Variants in COL8A2 observed in about 807,000 individuals in gnomAD.
COL8A2 encodes the protein collagen alpha-2(VIII) chain.
In COL8A2, 16 loss-of-function variants were observed where a neutral mutation model predicts 24.0. The observed-to-expected ratio is 0.67, with a 90% CI of 0.45 to 1.01. COL8A2 has a LOEUF of 1.01. Among genes scored for constraint, COL8A2 ranks in the 50% least tolerant of loss-of-function variants. The pLI is 0.00. For synonymous variants in COL8A2, 466 were observed against 424.5 expected (o/e 1.10, Z -1.20); for missense variants, 818 against 942.4 (o/e 0.87, Z 1.73).
Position 36,115,375 on chromosome 1 carries a change from G to T in COL8A2, c.-17+333C>A, listed in dbSNP as rs910918361. Among the ~76,000 whole-genome samples, 52 of 152,326 alleles carry T rather than the reference G, an allele frequency of 3.4e-4. No individual in the cohort carries two copies. Among genetic ancestry groups the T allele is most frequent in the African/African-American group, 1.3e-3 (52 of 41,572 alleles). ...GCTACCCTGCGTGGTGGCGGCAGCAGCGGCAGCAGGAGGGGCTGGGCTGGG... is the reference window on the plus strand; with the variant it reads ...GCTACCCTGCGTGGTGGCGGCAGCATCGGCAGCAGGAGGGGCTGGGCTGGG... On this transcript the variant is annotated intron_variant, in intron 2 of 3. Transcript: ENST00000397799. This position sits in a 1 kb window ranked among gnomAD's most constrained non-coding sequence, Gnocchi z 5.7.
At chr1:36,112,036 C>A (rs1208247405) in intron 2 of COL8A2, among the ~76,000 whole-genome samples, 2 of 152,184 alleles carry the variant, frequency 1.3e-5, no homozygotes, top group African/African-American at 4.8e-5. Context: ...CGGAGTCTCG[C>A]TCTGTTGCCC....
intron 2 of COL8A2, among the ~76,000 whole-genome samples, chr1:36,110,423 A>G (rs1387081232): frequency 2.0e-5 from 3 of 152,152 alleles, no homozygotes; most frequent in African/African-American, 7.2e-5. Context: ...CCATCTCTTC[A>G]AAAGCTCAGG....
chr1:36,098,020 G>A lies in COL8A2; in HGVS notation c.1661C>T (p.Ala554Val), dbSNP rs756806537. ...LHLPNGGVEG[A>V]VLGKGGKPQF... ...TGGCTTGCCCCCCTTGCCCAGCACG[G>A]CACCCTCCACACCGCCGTTGGGCAG... The change falls in exon 4 of 4, where the codon GCC becomes GTC. Residue 554 changes from alanine to valine, a missense_variant. This residue lies in a region of COL8A2 where 235 missense variants were observed against 297.3 expected (regional missense o/e 0.79). Coordinates refer to ENST00000397799, the MANE Select transcript of COL8A2 (RefSeq NM_005202.4). The A allele has an allele frequency of 6.9e-6, 11 of 1,594,676 alleles. No homozygotes were observed. Among genetic ancestry groups the A allele is most frequent in the East Asian group, 2.2e-5 (1 of 44,464 alleles).
chr1:36,119,786 C>A (rs1006105104), intron 1 of COL8A2, among the ~76,000 whole-genome samples: 2 of 152,122 alleles, frequency 1.3e-5, no homozygotes, highest in African/African-American at 4.8e-5. Context: ...GAGTTGGCCA[C>A]CTGGGATCTT....
chr1:36,121,757 G>C (rs72661677), intron 1 of COL8A2, among the ~76,000 whole-genome samples: 1 of 151,970 alleles, frequency 6.6e-6, no homozygotes, highest in African/African-American at 2.4e-5. Flanking sequence ...ACCCAGTAAG[G>C]TTCCCTCTGC....
chr1:36,116,967 G>A (rs1339386882), intron 1 of COL8A2, among the ~76,000 whole-genome samples: 2 of 152,188 alleles, frequency 1.3e-5, no homozygotes, highest in African/African-American at 4.8e-5. Context: ...ATAGCTGTAC[G>A]CAGAGGATCC....
At chr1:36,120,496 C>T (rs1328889939) in intron 1 of COL8A2, among the ~76,000 whole-genome samples, 3 of 151,616 alleles carry the variant, frequency 2.0e-5, no homozygotes, top group Non-Finnish European at 4.4e-5. Flanking sequence ...ACGCCTGTAA[C>T]CCCAGCACTT....
chr1:36,106,961 T>G (rs1643770660), intron 2 of COL8A2, among the ~76,000 whole-genome samples: 1 of 152,178 alleles, frequency 6.6e-6, no homozygotes, highest in Non-Finnish European at 1.5e-5. Flanking sequence ...GAGGAGGGTC[T>G]GAGTGAGGAC....
rs1488982379 is a variant in COL8A2 at position 36,097,262 on chromosome 1, T to TC, written c.*306dup. On this transcript the variant is annotated 3_prime_UTR_variant, in exon 4 of 4. Transcript: ENST00000397799. The stretch of plus-strand genomic sequence containing the variant: ...CACGTGGCGGGGTGGGGAGTTGAGC[T>TC]CCCTCTCAGCTCCTTCAGGGCCCAG... 3 of 275,872 alleles carry TC rather than the reference T, an allele frequency of 1.1e-5. No individual in the cohort carries two copies. Among genetic ancestry groups the TC allele is most frequent in the African/African-American group, 2.2e-5 (1 of 46,350 alleles). 17.1% of individuals were successfully genotyped at this position (275,872 alleles called of 1,614,324 possible).
At chr1:36,116,253 C>T (rs1412463313) in intron 1 of COL8A2, among the ~76,000 whole-genome samples, 1 of 152,146 alleles carries the variant, frequency 6.6e-6, no homozygotes, top group Non-Finnish European at 1.5e-5. Flanking sequence ...GCCCCATACT[C>T]CACAACTCCA....
intron 2 of COL8A2, among the ~76,000 whole-genome samples, chr1:36,103,325 T>G (rs1239270601): frequency 6.6e-6 from 1 of 152,154 alleles, no homozygotes; most frequent in African/African-American, 2.4e-5. Context: ...CAGGCTGGAA[T>G]GCAGTGGTGT....
intron 2 of COL8A2, among the ~76,000 whole-genome samples, chr1:36,101,788 A>C (rs893828673): frequency 1.3e-5 from 2 of 152,230 alleles, no homozygotes; most frequent in African/African-American, 4.8e-5. Flanking sequence ...GTATACCTGT[A>C]GTCCCAGCTA....
At position 36,098,003 on chromosome 1, in the gene COL8A2, C is replaced by T; in HGVS notation, c.1678G>A (p.Gly560Ser). Residue 560 changes from glycine to serine, a missense_variant, in exon 4 of 4, where the codon GGC (glycine) becomes AGC (serine). By Grantham distance (56) the Gly-to-Ser change is moderately conservative. Transcript: ENST00000397799. ...GVEGAVLGKGGKPQFGLGELS... is the reference protein window; with the variant it reads ...GVEGAVLGKGSKPQFGLGELS... Reference sequence around the variant, plus strand: ...TCGCCCAGCCCAAACTGTGGCTTGCCCCCCTTGCCCAGCACGGCACCCTCC... The same window carrying T: ...TCGCCCAGCCCAAACTGTGGCTTGCTCCCCTTGCCCAGCACGGCACCCTCC... 2 of 1,599,662 alleles carry T rather than the reference C, an allele frequency of 1.3e-6. No homozygotes were observed. Among genetic ancestry groups the T allele is most frequent in the South Asian group, 1.1e-5 (1 of 90,510 alleles).
rs375533913 is a variant in COL8A2, at chr1:36,097,791, G to C, written c.1890C>G (p.Gly630=). The stretch of plus-strand genomic sequence containing the variant: ...TGTACAGGGCCACCCACACGTTGGT[G>C]CCCTTGACGTGCACATGGTAAGCAA... ...YYFAYHVHVK[G]TNVWVALYKN... The change falls in exon 4 of 4, where the codon GGC becomes GGG. Residue 630 remains glycine (G), a synonymous_variant. Coordinates refer to ENST00000397799, the MANE Select transcript of COL8A2 (RefSeq NM_005202.4). 3.1e-5 allele frequency: 50 copies of C among 1,613,818 alleles called. No homozygotes were observed. In the African/African-American group the frequency reaches 6.1e-4, roughly 20 times the overall value.
At position 36,099,105 on chromosome 1, in the gene COL8A2, G is replaced by A. The variant is rs1290618426; in HGVS notation, c.576C>T (p.Pro192=). The part of the protein sequence containing the change: ...GPPGFQGEPG[P]QGEPGPPGDR... Reference sequence around the variant, plus strand: ...CACCTGGGGGCCCAGGCTCCCCCTGGGGCCCTGGTTCCCCCTGGAATCCTG... The same window carrying A: ...CACCTGGGGGCCCAGGCTCCCCCTGAGGCCCTGGTTCCCCCTGGAATCCTG... Residue 192 remains proline (P), a synonymous_variant, in exon 4 of 4, where the codon CCC becomes CCT. Transcript: ENST00000397799. 8 of 1,509,578 alleles carry A rather than the reference G, an allele frequency of 5.3e-6. No homozygotes were observed. The South Asian group carries it at 8.0e-5, about 15-fold the overall frequency. The allele number at this position is 1,509,578 out of a possible 1,614,324, so 93.5% of individuals were successfully genotyped here.
At chr1:36,109,952 C>T (rs1201345062) in intron 2 of COL8A2, among the ~76,000 whole-genome samples, 4 of 114,746 alleles carry the variant, frequency 3.5e-5, no homozygotes, top group East Asian at 2.7e-4. Context: ...TTTTTTGAGA[C>T]GGAGTCTTGC....
At position 36,097,883 on chromosome 1, in the gene COL8A2, T is replaced by C; in HGVS notation, c.1798A>G (p.Asn600Asp). Reference sequence around the variant, plus strand: ...GCTGGGTTGTAGCCGCTGTGGCCATTGTAGAGAGTCCGGTCAAATTTCACG... The same window carrying C: ...GCTGGGTTGTAGCCGCTGTGGCCATCGTAGAGAGTCCGGTCAAATTTCACG... ...MPVKFDRTLYNGHSGYNPATG... is the reference protein window; with the variant it reads ...MPVKFDRTLYDGHSGYNPATG... The change falls in exon 4 of 4, where the codon AAT (asparagine) becomes GAT (aspartate). Residue 600 changes from asparagine (N) to aspartate (D), a missense_variant. By Grantham distance (23) the Asn-to-Asp change is conservative. Coordinates refer to ENST00000397799, the MANE Select transcript of COL8A2 (RefSeq NM_005202.4). 1 of 1,612,642 alleles carries C rather than the reference T, an allele frequency of 6.2e-7. No homozygotes were observed. Among genetic ancestry groups the C allele is most frequent in the East Asian group, 2.2e-5 (1 of 44,886 alleles).
At chr1:36,122,509 A>G (rs149773977) in intron 1 of COL8A2, among the ~76,000 whole-genome samples, 5 of 152,214 alleles carry the variant, frequency 3.3e-5, no homozygotes, top group African/African-American at 1.2e-4. Flanking sequence ...TCCAGCTCCC[A>G]GTCATCTCAA....
chr1:36,115,833 G>T lies in COL8A2; in HGVS notation c.-61-81C>A. 1.3e-6 allele frequency: 1 copy of T among 793,376 alleles called. No homozygotes were observed. The highest frequency in any genetic ancestry group is 1.5e-6 in the Non-Finnish European group (1 of 654,636). 49.1% of individuals were successfully genotyped at this position (793,376 alleles called of 1,614,324 possible). On this transcript the variant is annotated intron_variant, in intron 1 of 3. Coordinates refer to ENST00000397799, the MANE Select transcript of COL8A2 (RefSeq NM_005202.4). The surrounding 1 kb of genome is among the most constrained non-coding windows in gnomAD (Gnocchi z 5.7). ...TCCCAGCACTTTGGGAGGCTAAGGT[G>T]GGAAGACTGCTTGAGCCCAGGAGTT...
Sources: gnomAD v4.1 joint callset for allele counts (sites outside exome capture counted in the v4.1 genomes callset) on GRCh38, gnomAD v4.1.1 for gene constraint, gnomAD v4.1.1 regional missense constraint, Gnocchi (gnomAD v3.1) non-coding constraint, MANE v1.5 for transcripts, NCBI Gene and HGNC (gene_info 2026-07-23, HGNC 2026-07-21) for gene names.